GPC5: variants seen among roughly 807,000 people sequenced by gnomAD.
GPC5 encodes the protein glypican 5.
GPC5 carries 47 observed loss-of-function variants against 53.9 expected under a neutral mutation model. That is an observed-to-expected ratio of 0.87 (90% CI 0.69 to 1.11). The LOEUF is 1.11. GPC5 is among the 50% of genes most tolerant of loss of function. The pLI is 0.00. For missense variants in GPC5, 748 were observed against 713.1 expected, an observed-to-expected ratio of 1.05 and a Z score of -0.56; for synonymous variants, 286 against 263.3, an observed-to-expected ratio of 1.09 and a Z score of -0.84.
At chr13:92,628,960 T>G (rs1366595859) in intron 7 of GPC5, among the ~76,000 whole-genome samples, 1 of 152,202 alleles carries the variant, frequency 6.6e-6, no homozygotes, top group Non-Finnish European at 1.5e-5. Flanking sequence ...TCTCTTGTTG[T>G]GCACTGTTCT....
At chr13:92,754,528 A>C (rs200645704) in intron 7 of GPC5, among the ~76,000 whole-genome samples, 104 of 150,232 alleles carry the variant, frequency 6.9e-4, no homozygotes, top group African/African-American at 2.4e-3. Flanking sequence ...AAAAGACACA[A>C]ACTGGCAAAT....
At chr13:91,438,997 C>T (rs1013673127) in intron 1 of GPC5, among the ~76,000 whole-genome samples, 5 of 152,092 alleles carry the variant, frequency 3.3e-5, no homozygotes, top group African/African-American at 4.8e-5. Context: ...GCTGTTTGCT[C>T]AGTAGGAAAT....
At chr13:92,692,979 T>C (rs9561111) in intron 7 of GPC5, among the ~76,000 whole-genome samples, 11,100 of 151,820 alleles carry the variant, frequency 0.073, 727 homozygotes, top group East Asian at 0.32. Flanking sequence ...GTTTCCCTCA[T>C]ACTATTCTCA....
chr13:92,577,411 T>C (rs1254695842), intron 7 of GPC5, among the ~76,000 whole-genome samples: 1 of 142,444 alleles, frequency 7.0e-6, no homozygotes, highest in East Asian at 2.0e-4. Context: ...TGTAAGTATG[T>C]ATGTATATGT....
At chr13:91,410,602 TC>T (rs1273495771) in intron 1 of GPC5, among the ~76,000 whole-genome samples, 2 of 151,868 alleles carry the variant, frequency 1.3e-5, no homozygotes, top group Non-Finnish European at 2.9e-5. Flanking sequence ...CGCCTTGGCC[TC>T]CCAAAGAGCT....
At chr13:92,102,400 C>G (rs4126972) in intron 6 of GPC5, among the ~76,000 whole-genome samples, 81,438 of 151,910 alleles carry the variant, frequency 0.54, 22,235 homozygotes, top group East Asian at 0.79. Flanking sequence ...AGGTACCAGA[C>G]GACCAAGAAG....
At chr13:92,238,247 G>T (rs1465634551) in intron 7 of GPC5, among the ~76,000 whole-genome samples, 2 of 151,800 alleles carry the variant, frequency 1.3e-5, no homozygotes, top group Non-Finnish European at 2.9e-5. Flanking sequence ...CCTTTTGAGA[G>T]GTTAAAGCAG....
At chr13:92,493,064 T>C (rs1422219080) in intron 7 of GPC5, among the ~76,000 whole-genome samples, 1 of 152,226 alleles carries the variant, frequency 6.6e-6, no homozygotes, top group Admixed American at 6.5e-5. Context: ...TCCAGGGCCC[T>C]GAGTGTGCAG....
At chr13:92,567,438 A>T (rs7317728) in intron 7 of GPC5, among the ~76,000 whole-genome samples, 83,580 of 151,910 alleles carry the variant, frequency 0.55, 24,753 homozygotes, top group African/African-American at 0.77. Flanking sequence ...ATTCTAATCC[A>T]AGAAACCATG....
chr13:92,657,579 G>GTTTTTTT (rs67038073), intron 7 of GPC5, among the ~76,000 whole-genome samples: 2 of 106,728 alleles, frequency 1.9e-5, no homozygotes, highest in African/African-American at 3.7e-5. Flanking sequence ...AGGTTTTTTG[G>GTTTTTTT]TTTTTTTTTT....
chr13:92,013,748 C>G (rs955218683), intron 6 of GPC5, among the ~76,000 whole-genome samples: 1 of 152,010 alleles, frequency 6.6e-6, no homozygotes, highest in African/African-American at 2.4e-5. Flanking sequence ...TGATAGATTC[C>G]AAGCCATATA....
intron 7 of GPC5, among the ~76,000 whole-genome samples, chr13:92,452,655 C>T (rs1878111144): frequency 6.6e-6 from 1 of 152,114 alleles, no homozygotes; most frequent in African/African-American, 2.4e-5. Flanking sequence ...GCAACCTCTG[C>T]CTCCCAGGTT....
chr13:92,417,754 G>T (rs937471137), intron 7 of GPC5, among the ~76,000 whole-genome samples: 1 of 152,118 alleles, frequency 6.6e-6, no homozygotes, highest in African/African-American at 2.4e-5. Flanking sequence ...AGCCTGATGT[G>T]GTGGCATGTG....
At chr13:92,856,641 G>A (rs1268124154) in intron 7 of GPC5, among the ~76,000 whole-genome samples, 1 of 151,898 alleles carries the variant, frequency 6.6e-6, no homozygotes, top group African/African-American at 2.4e-5. Flanking sequence ...AAAGTTTCAG[G>A]ATACAAAATC....
At chr13:92,199,072 G>T (rs1373389733) in intron 7 of GPC5, among the ~76,000 whole-genome samples, 1 of 152,194 alleles carries the variant, frequency 6.6e-6, no homozygotes, top group Non-Finnish European at 1.5e-5. Context: ...ACACATCAAT[G>T]CTACATCAAA....
intron 7 of GPC5, 113 bp downstream of exon 7, chr13:92,145,102 T>A: frequency 1.0e-6 from 1 of 989,250 alleles, no homozygotes; most frequent in Non-Finnish European, 1.3e-6. Context: ...GCAAGAGGAA[T>A]TGGAAATGGA....
chr13:91,483,667 ATAT>A (rs1021201297), intron 2 of GPC5, among the ~76,000 whole-genome samples: 1 of 152,202 alleles, frequency 6.6e-6, no homozygotes, highest in African/African-American at 2.4e-5. Flanking sequence ...ATTTAAAAAA[ATAT>A]TATTCTTCTA....
intron 1 of GPC5, among the ~76,000 whole-genome samples, chr13:91,409,942 A>G (rs1027049693): frequency 1.3e-5 from 2 of 152,194 alleles, no homozygotes; most frequent in East Asian, 1.9e-4. Flanking sequence ...GCTCCCACTT[A>G]TAAGTGAGAA....
At chr13:92,289,115 A>G (rs9523598) in intron 7 of GPC5, among the ~76,000 whole-genome samples, 12,984 of 151,944 alleles carry the variant, frequency 0.085, 617 homozygotes, top group Middle Eastern at 0.12. Context: ...TAATAAGAGT[A>G]GGAGTATTCA....
Sources: gnomAD v4.1 joint callset for allele counts (sites outside exome capture counted in the v4.1 genomes callset) on GRCh38, gnomAD v4.1.1 for gene constraint, MANE v1.5 for transcripts, NCBI Gene and HGNC (gene_info 2026-07-23, HGNC 2026-07-21) for gene names.